SHC3: variants seen among roughly 807,000 people sequenced by gnomAD.
SHC3 encodes SHC adaptor protein 3, also known as SHC-transforming protein 3.
In SHC3, 15 loss-of-function variants were observed where a neutral mutation model predicts 60.4. That is an observed-to-expected ratio of 0.25 (90% CI 0.17 to 0.38). The LOEUF is 0.38. SHC3 is among the 10% of genes least tolerant of loss of function. The pLI is 1.00. For synonymous variants in SHC3, 294 were observed against 325.9 expected, an observed-to-expected ratio of 0.90 and a Z score of 1.05; for missense variants, 677 against 786.1, an observed-to-expected ratio of 0.86 and a Z score of 1.66.
At chr9:89,116,961 C>T (rs1408832873) in intron 1 of SHC3, among the ~76,000 whole-genome samples, 3 of 152,154 alleles carry the variant, frequency 2.0e-5, no homozygotes, top group African/African-American at 7.2e-5. Context: ...TAATCAGCAT[C>T]ACAGATTTTC....
intron 1 of SHC3, among the ~76,000 whole-genome samples, chr9:89,126,591 A>G (rs1443714662): frequency 3.3e-5 from 5 of 152,166 alleles, no homozygotes; most frequent in Non-Finnish European, 7.4e-5. Flanking sequence ...TGAACTCTTG[A>G]TTCAGCATTT....
chr9:89,038,013 G>C lies in SHC3; in HGVS notation c.1636C>G (p.Leu546Val), dbSNP rs758951230. ...MHNGQAKHLL[L>V]VDPEGTIRTK... ...CTCACCGTGCCTTCTGGGTCCACGA[G>C]CAGCAGGTGCTTGGCCTGGCCATTG... is the stretch of plus-strand genomic sequence containing the variant. The change falls in exon 11 of 12, where the codon CTC (leucine) becomes GTC (valine). Residue 546 changes from leucine to valine, a missense_variant. Transcript: ENST00000375835. 4 of 1,610,444 alleles carry C rather than the reference G, an allele frequency of 2.5e-6. No homozygotes were observed. Among genetic ancestry groups the C allele is most frequent in the Non-Finnish European group, 2.5e-6 (3 of 1,179,988 alleles).
At chr9:89,069,141 C>G (rs940210128) in intron 5 of SHC3, among the ~76,000 whole-genome samples, 74 of 152,122 alleles carry the variant, frequency 4.9e-4, no homozygotes, top group Non-Finnish European at 8.8e-4. Context: ...AACCCTGTCT[C>G]TACTAAAAAT....
intron 11 of SHC3, among the ~76,000 whole-genome samples, chr9:89,022,776 G>A (rs1036356719): frequency 3.2e-4 from 48 of 152,040 alleles, no homozygotes; most frequent in Non-Finnish European, 5.9e-4. Flanking sequence ...TAAAATAAGT[G>A]CCTAGTGCAC....
At chr9:89,041,932 T>G in intron 10 of SHC3, 94 bp downstream of exon 10, 1 of 1,489,346 alleles carries the variant, frequency 6.7e-7, no homozygotes, top group Non-Finnish European at 9.1e-7. Flanking sequence ...AACCCTACTA[T>G]CAGAAAATTC....
rs773779204 is a variant in SHC3, at chr9:89,013,438, C to T, written c.*9G>A. 6.2e-7 allele frequency: 1 copy of T among 1,608,986 alleles called. No homozygotes were observed. The highest frequency in any genetic ancestry group is 8.5e-7 in the Non-Finnish European group (1 of 1,177,588). On this transcript the variant is annotated 3_prime_UTR_variant, in exon 12 of 12. Coordinates refer to ENST00000375835, the MANE Select transcript of SHC3 (RefSeq NM_016848.6). The stretch of plus-strand genomic sequence containing the variant: ...CTGGTGCGCAGTGCTGGGAGCAGTG[C>T]TGGCCAGGTCACTGCTTCCTCTCCA...
chr9:89,146,101 CA>C (rs1377981299), intron 1 of SHC3, among the ~76,000 whole-genome samples: 2 of 151,926 alleles, frequency 1.3e-5, no homozygotes, highest in African/African-American at 4.8e-5. Flanking sequence ...TTTTCAGATT[CA>C]AAAAGGTGAC....
At chr9:89,103,861 TAGTC>T (rs1825817971) in intron 2 of SHC3, among the ~76,000 whole-genome samples, 1 of 152,128 alleles carries the variant, frequency 6.6e-6, no homozygotes, top group African/African-American at 2.4e-5. Flanking sequence ...AAAACCCAGA[TAGTC>T]AGACTCTAAA....
chr9:89,133,557 T>C (rs991809801), intron 1 of SHC3, among the ~76,000 whole-genome samples: 2 of 152,170 alleles, frequency 1.3e-5, no homozygotes, highest in Non-Finnish European at 2.9e-5. Context: ...GTGGCACATA[T>C]ACATCATGGA....
At chr9:89,087,010 A>G (rs1464970224) in intron 2 of SHC3, among the ~76,000 whole-genome samples, 1 of 152,172 alleles carries the variant, frequency 6.6e-6, no homozygotes, top group African/African-American at 2.4e-5. Context: ...GGGTGATTGC[A>G]CGTCCTCCTC....
At chr9:89,035,638 GCTTA>G (rs1204503388) in intron 11 of SHC3, among the ~76,000 whole-genome samples, 1 of 151,886 alleles carries the variant, frequency 6.6e-6, no homozygotes, top group Non-Finnish European at 1.5e-5. Context: ...AGAAAAACTG[GCTTA>G]CTATCTGGAG....
chr9:89,122,416 T>G (rs1278864550), intron 1 of SHC3, among the ~76,000 whole-genome samples: 2 of 152,240 alleles, frequency 1.3e-5, no homozygotes, highest in African/African-American at 2.4e-5. Context: ...GCCAATCCAC[T>G]CATCTAAATT....
intron 1 of SHC3, among the ~76,000 whole-genome samples, chr9:89,129,954 C>G (rs542728434): frequency 6.6e-6 from 1 of 152,288 alleles, no homozygotes; most frequent in South Asian, 2.1e-4. Context: ...TTAAAAGACA[C>G]AGACTGGCAA....
At chr9:89,109,465 G>C in intron 2 of SHC3, 1 of 985,472 alleles carries the variant, frequency 1.0e-6, no homozygotes, top group South Asian at 4.7e-5. Flanking sequence ...AGGATTGTGT[G>C]GTGAAAGTTT....
chr9:89,044,160 CT>C (rs1371673596), intron 9 of SHC3, among the ~76,000 whole-genome samples: 1 of 152,206 alleles, frequency 6.6e-6, no homozygotes, highest in African/African-American at 2.4e-5. Flanking sequence ...CTCCTTTATT[CT>C]TTAGCAGTTA....
At chr9:89,126,732 C>T (rs1395160021) in intron 1 of SHC3, among the ~76,000 whole-genome samples, 4 of 152,180 alleles carry the variant, frequency 2.6e-5, no homozygotes, top group East Asian at 3.9e-4. Flanking sequence ...TAAAAATCAC[C>T]GTTTATCTCT....
At chr9:89,076,616 G>A (rs1057050339) in intron 3 of SHC3, among the ~76,000 whole-genome samples, 18 of 151,222 alleles carry the variant, frequency 1.2e-4, no homozygotes, top group Admixed American at 8.6e-4. Context: ...AAAAGTCCTA[G>A]TGCAGTGTTT....
chr9:89,061,083 C>T (rs1825081769), intron 6 of SHC3, among the ~76,000 whole-genome samples: 4 of 152,108 alleles, frequency 2.6e-5, no homozygotes, highest in African/African-American at 9.7e-5. Flanking sequence ...AGGCATGGTA[C>T]GTAAAGCACA....
At chr9:89,026,791 G>A (rs924527344) in intron 11 of SHC3, among the ~76,000 whole-genome samples, 2 of 152,208 alleles carry the variant, frequency 1.3e-5, no homozygotes, top group African/African-American at 4.8e-5. Context: ...CCTGAGGAGT[G>A]AGCCTGACCT....
Sources: allele counts gnomAD v4.1 joint callset (sites outside exome capture counted in the v4.1 genomes callset), GRCh38; gene constraint gnomAD v4.1.1; transcripts MANE v1.5; gene names NCBI Gene and HGNC (gene_info 2026-07-23, HGNC 2026-07-21).